PRPF18: variants seen among roughly 807,000 people sequenced by gnomAD.
PRPF18 encodes the protein pre-mRNA-splicing factor 18.
Under a neutral mutation model 46.5 loss-of-function variants are expected in PRPF18, and 38 were observed. The observed-to-expected ratio is 0.82, with a 90% CI of 0.63 to 1.07. The LOEUF (loss-of-function observed/expected upper bound fraction) is 1.07, where lower values mean the gene tolerates loss of function less well. Ranked by LOEUF, PRPF18 falls within the 50% of genes least tolerant of loss-of-function variation. PRPF18 has a pLI of 0.00. For missense variants in PRPF18, 263 were observed against 410.0 expected (o/e 0.64, Z 3.10); for synonymous variants, 152 against 146.7 (o/e 1.04, Z -0.26).
At chr10:13,628,158 C>T (rs185334604) in intron 9 of PRPF18, among the ~76,000 whole-genome samples, 18 of 152,332 alleles carry the variant, frequency 1.2e-4, no homozygotes, top group African/African-American at 4.1e-4. Flanking sequence ...AAGTGAATGA[C>T]GTGTGCAAAA....
rs2080473111 is a variant in PRPF18, at chr10:13,624,783, T to C, written c.949-5477T>C. ...CATCTGAGTTACTAACACTTAAGTG[T>C]TCCTTCAGTGAAAAAACCAGCTTGC... is the stretch of plus-strand genomic sequence containing the variant. On this transcript the variant is annotated intron_variant, in intron 9 of 9. Transcript: ENST00000378572. 2.0e-5 allele frequency among the ~76,000 whole-genome samples: 3 copies of C among 152,202 alleles called. 1 individual carries two copies. Among genetic ancestry groups the C allele is most frequent in the Admixed American group, 2.0e-4 (3 of 15,290 alleles).
At position 13,600,831 on chromosome 10, in the gene PRPF18, C is replaced by T. The variant is rs1215939062; in HGVS notation, c.249+483C>T. Among the ~76,000 whole-genome samples, 3 of 152,170 alleles carry T rather than the reference C, an allele frequency of 2.0e-5. No homozygotes were observed. In the East Asian group the frequency reaches 5.8e-4, roughly 29 times the overall value. On this transcript the variant is annotated intron_variant, in intron 3 of 9. Coordinates refer to ENST00000378572, the MANE Select transcript of PRPF18 (RefSeq NM_003675.4). ...TCACTGTGTCGCCCAGGCTGGAATA[C>T]AGTGGTGCAGTCTCAGTTCACTGCA...
chr10:13,643,209 G>A, the PRPF18 span: 14 of 152,204 alleles, frequency 9.2e-5, no homozygotes, highest in African/African-American at 3.4e-4. Context: ...GAGAGCCTGA[G>A]CAGCCTGTGT....
chr10:13,620,611 CATT>C (rs2080408033), intron 9 of PRPF18, among the ~76,000 whole-genome samples: 1 of 152,170 alleles, frequency 6.6e-6, no homozygotes, highest in Admixed American at 6.5e-5. Context: ...CAGAAGTAAC[CATT>C]ATTCTAACAT....
At chr10:13,635,140 G>A (rs781221177), downstream of PRPF18, among the ~76,000 whole-genome samples, 1 of 152,172 alleles carries the variant, frequency 6.6e-6, no homozygotes, top group Non-Finnish European at 1.5e-5. Context: ...AAGTGAGAAC[G>A]TGGTATTTGC....
intron 5 of PRPF18, among the ~76,000 whole-genome samples, chr10:13,611,187 C>CTT (rs35441441): frequency 5.0e-5 from 6 of 120,978 alleles, no homozygotes; most frequent in Non-Finnish European, 6.9e-5. Context: ...CAGTTGTGGG[C>CTT]TTTTTTTTTT....
chr10:13,589,535 C>T (rs2079927375), intron 1 of PRPF18, among the ~76,000 whole-genome samples: 1 of 152,218 alleles, frequency 6.6e-6, no homozygotes, highest in African/African-American at 2.4e-5. Flanking sequence ...TTTAGAGTCA[C>T]TGCCTTGGTT....
chr10:13,609,583 A>G (rs1437813351), intron 4 of PRPF18, among the ~76,000 whole-genome samples: 1 of 152,186 alleles, frequency 6.6e-6, no homozygotes, highest in East Asian at 1.9e-4. Flanking sequence ...CATAGTTGAG[A>G]ACCTGGGATA....
intron 1 of PRPF18, chr10:13,592,354 G>C: frequency 3.6e-6 from 1 of 275,480 alleles, no homozygotes; most frequent in Non-Finnish European, 7.0e-6. Flanking sequence ...AAGTCCCTTT[G>C]TTTTAATTTT....
At chr10:13,654,589 C>G in the PRPF18 span, 1 of 886,198 alleles carries the variant, frequency 1.1e-6, no homozygotes, top group South Asian at 1.5e-5. Flanking sequence ...GACTTGTTGG[C>G]TGACACCAAC....
chr10:13,624,135 C>G (rs2080462813), intron 9 of PRPF18, among the ~76,000 whole-genome samples: 1 of 152,178 alleles, frequency 6.6e-6, no homozygotes, highest in Admixed American at 6.5e-5. Context: ...TGCCACCATG[C>G]CTGGCTGATT....
At chr10:13,588,378 G>T (rs1014545075) in intron 1 of PRPF18, among the ~76,000 whole-genome samples, 1 of 150,880 alleles carries the variant, frequency 6.6e-6, no homozygotes, top group Non-Finnish European at 1.5e-5. Context: ...CTGCACTCCT[G>T]CCTGGGCGAC....
At chr10:13,654,138 A>G in the PRPF18 span, 16 of 536,074 alleles carry the variant, frequency 3.0e-5, no homozygotes, top group East Asian at 4.4e-4. Context: ...AATCTTACCA[A>G]AGAAGCACAG....
intron 2 of PRPF18, among the ~76,000 whole-genome samples, chr10:13,599,140 T>A (rs2080072602): frequency 2.0e-5 from 3 of 152,194 alleles, no homozygotes; most frequent in Non-Finnish European, 4.4e-5. Context: ...TAAAGATTTT[T>A]AAAGATTTCC....
At chr10:13,630,147 G>T in intron 9 of PRPF18, 113 bp from the exon 10 acceptor site, 1 of 826,088 alleles carries the variant, frequency 1.2e-6, no homozygotes, top group Non-Finnish European at 2.0e-6. Context: ...GAATTTGCTT[G>T]GGTCTGCTGC....
chr10:13,627,370 T>C (rs1015018193), intron 9 of PRPF18, among the ~76,000 whole-genome samples: 32 of 152,358 alleles, frequency 2.1e-4, no homozygotes, highest in African/African-American at 7.7e-4. Context: ...TAGTAGGCAC[T>C]GAATAAACAT....
the PRPF18 span, among the ~76,000 whole-genome samples, chr10:13,650,339 T>A: frequency 6.6e-6 from 1 of 152,204 alleles, no homozygotes; most frequent in South Asian, 2.1e-4. Flanking sequence ...GCATCCTGTC[T>A]TACCTGGTCT....
rs933727632 is a variant in PRPF18 at position 13,587,161 on chromosome 10, C to T, written c.66+9C>T. On this transcript the variant is annotated intron_variant, in intron 1 of 9. Coordinates refer to ENST00000378572, the MANE Select transcript of PRPF18 (RefSeq NM_003675.4). ...ACAGGAACCTGCTGGTGGTGAGGAC[C>T]CTGCGGTCGTGGGGGTCGGGATGTA... The T allele has an allele frequency of 5.6e-6, 9 of 1,611,574 alleles. No homozygotes were observed. The African/African-American group carries it at 9.4e-5, about 17-fold the overall frequency.
intron 9 of PRPF18, among the ~76,000 whole-genome samples, chr10:13,620,080 G>A (rs973747532): frequency 6.6e-6 from 1 of 152,010 alleles, no homozygotes; most frequent in African/African-American, 2.4e-5. Flanking sequence ...TTTGGTATCT[G>A]GATGAGATTA....
Sources: allele counts gnomAD v4.1 joint callset (sites outside exome capture counted in the v4.1 genomes callset), GRCh38; gene constraint gnomAD v4.1.1; transcripts MANE v1.5; gene names NCBI Gene and HGNC (gene_info 2026-07-23, HGNC 2026-07-21).